CPEB3: variants seen among roughly 807,000 people sequenced by gnomAD.
CPEB3 encodes the protein cytoplasmic polyadenylation element-binding protein 3.
In CPEB3, 20 loss-of-function variants were observed where a neutral mutation model predicts 67.2. The ratio of observed to expected loss-of-function variants is 0.30; its 90% CI spans 0.21 to 0.43. The LOEUF is 0.43. Ranked by LOEUF, CPEB3 falls within the 20% of genes least tolerant of loss-of-function variation. CPEB3 has a pLI of 1.00. For synonymous variants in CPEB3, 376 were observed against 393.1 expected (o/e 0.96, Z 0.51); for missense variants, 746 against 968.6 (o/e 0.77, Z 3.05).
intron 6 of CPEB3, among the ~76,000 whole-genome samples, chr10:92,129,960 C>T (rs1845770778): frequency 6.6e-6 from 1 of 152,052 alleles, no homozygotes; most frequent in Non-Finnish European, 1.5e-5. Flanking sequence ...CTGCTTGAGC[C>T]CTGGAAGTCA....
intron 9 of CPEB3, among the ~76,000 whole-genome samples, chr10:92,058,525 G>T (rs1842199914): frequency 6.6e-6 from 1 of 151,084 alleles, no homozygotes; most frequent in South Asian, 2.1e-4. Flanking sequence ...CTCTGGCCTG[G>T]GCGACAGAAC....
At chr10:92,109,684 T>TA (rs1844640375) in intron 7 of CPEB3, among the ~76,000 whole-genome samples, 1 of 152,220 alleles carries the variant, frequency 6.6e-6, no homozygotes, top group African/African-American at 2.4e-5. Flanking sequence ...TTATACTGGC[T>TA]AAAATCCTTG....
intron 2 of CPEB3, among the ~76,000 whole-genome samples, chr10:92,213,927 T>A (rs928963209): frequency 6.6e-6 from 1 of 152,180 alleles, no homozygotes; most frequent in Admixed American, 6.6e-5. Context: ...TACAGAAATA[T>A]AAGCCATACT....
intron 1 of CPEB3, among the ~76,000 whole-genome samples, chr10:92,281,338 T>TG (rs1842287820): frequency 6.6e-6 from 1 of 151,238 alleles, no homozygotes; most frequent in Non-Finnish European, 1.5e-5. Flanking sequence ...CAACTGATTC[T>TG]CCCATCTTGC....
At chr10:92,278,928 TTA>T (rs1842129272) in intron 1 of CPEB3, among the ~76,000 whole-genome samples, 1 of 151,850 alleles carries the variant, frequency 6.6e-6, no homozygotes, top group African/African-American at 2.4e-5. Context: ...GGTGTTTTTA[TTA>T]TTTTTTTTTT....
At position 92,098,922 on chromosome 10, in the gene CPEB3, C is replaced by T. The variant is rs189259687; in HGVS notation, c.1573-6978G>A. On this transcript the variant is annotated intron_variant, in intron 7 of 9. Coordinates refer to ENST00000265997, the MANE Select transcript of CPEB3 (RefSeq NM_014912.5). ...GAGTAGCTGGGATTACAGGCGCCTG[C>T]CCCAATGCCCAGTTAATTTTTGTAT... Among the ~76,000 whole-genome samples the T allele has an allele frequency of 1.8e-3, 275 of 151,936 alleles. 1 individual carries two copies. The highest frequency in any genetic ancestry group is 6.4e-3 in the African/African-American group (267 of 41,456).
At position 92,239,487 on chromosome 10, in the gene CPEB3, G is replaced by T; in HGVS notation, c.864C>A (p.Pro288=). The change falls in exon 2 of 10, where the codon CCC becomes CCA. Residue 288 remains proline (P), a synonymous_variant. Transcript: ENST00000265997. The surrounding 1 kb of genome is among the most constrained non-coding windows in gnomAD (Gnocchi z 6.0). ...VGVGVPSPLN[P]ISPLKKPFSS... is the part of the protein sequence containing the mutation. The stretch of plus-strand genomic sequence containing the variant: ...AGAAGGGCTTTTTGAGCGGCGAGAT[G>T]GGGTTGAGCGGGGAAGGCACCCCGA... 6.3e-7 allele frequency: 1 copy of T among 1,587,208 alleles called. No individual in the cohort carries two copies.
intron 1 of CPEB3, among the ~76,000 whole-genome samples, chr10:92,266,659 T>TA (rs965670273): frequency 5.3e-5 from 8 of 150,536 alleles, no homozygotes; most frequent in South Asian, 4.2e-4. Flanking sequence ...AAACAAAAAT[T>TA]AAAAAAAAAT....
chr10:92,059,574 C>T (rs1196725548), intron 9 of CPEB3, among the ~76,000 whole-genome samples: 2 of 151,618 alleles, frequency 1.3e-5, no homozygotes, highest in Non-Finnish European at 2.9e-5. Context: ...CAACTAGAAA[C>T]ACAAGGGAGA....
intron 3 of CPEB3, among the ~76,000 whole-genome samples, chr10:92,184,647 C>T (rs1306607726): frequency 6.6e-6 from 1 of 152,134 alleles, no homozygotes; most frequent in African/African-American, 2.4e-5. Flanking sequence ...GAGAAGGCCA[C>T]ATCCATCAGA....
At chr10:92,142,818 T>C (rs1296478332) in intron 6 of CPEB3, among the ~76,000 whole-genome samples, 1 of 152,116 alleles carries the variant, frequency 6.6e-6, no homozygotes, top group East Asian at 1.9e-4. Flanking sequence ...TCACTGTCAA[T>C]AAAATCGGTG....
At chr10:92,258,591 A>G (rs1852625406) in intron 1 of CPEB3, among the ~76,000 whole-genome samples, 1 of 137,036 alleles carries the variant, frequency 7.3e-6, no homozygotes, top group African/African-American at 2.8e-5. Flanking sequence ...GCCTTCATCT[A>G]TGTTCAGTTT....
chr10:92,141,408 A>G (rs965430561), intron 6 of CPEB3, among the ~76,000 whole-genome samples: 3 of 150,112 alleles, frequency 2.0e-5, no homozygotes, highest in African/African-American at 7.4e-5. Flanking sequence ...GCATGTTCTC[A>G]CTCATAGGTG....
At chr10:92,186,606 C>T (rs368594115) in intron 3 of CPEB3, among the ~76,000 whole-genome samples, 1 of 151,786 alleles carries the variant, frequency 6.6e-6, no homozygotes, top group Non-Finnish European at 1.5e-5. Context: ...GGCTAATTTT[C>T]GTATTTTTAG....
At chr10:92,159,335 A>G (rs1847356209) in intron 4 of CPEB3, among the ~76,000 whole-genome samples, 1 of 152,036 alleles carries the variant, frequency 6.6e-6, no homozygotes, top group Non-Finnish European at 1.5e-5. Flanking sequence ...AAAGGAAGAT[A>G]ATTTGGAGTT....
Position 92,106,814 on chromosome 10 carries a change from C to CAAAAAAAAAAAAAAAAAAAAAA in CPEB3, c.1572+4240_1572+4261dup, listed in dbSNP as rs531195477. ...TAGGCAAAAGAGCAAGACTCTGTCT[C>CAAAAAAAAAAAAAAAAAAAAAA]AAAAAAAAAAAAAAAAAAAAAAAAA... On this transcript the variant is annotated intron_variant, in intron 7 of 9. Coordinates refer to ENST00000265997, the MANE Select transcript of CPEB3 (RefSeq NM_014912.5). Among the ~76,000 whole-genome samples, 24 of 55,986 alleles carry CAAAAAAAAAAAAAAAAAAAAAA rather than the reference C, an allele frequency of 4.3e-4. 1 individual carries two copies. The highest frequency in any genetic ancestry group is 1.5e-3 in the African/African-American group (17 of 11,560). 36.7% of individuals were successfully genotyped at this position (55,986 alleles called of 152,430 possible). A position where few individuals can be genotyped will look rare whatever the true frequency, so the allele number is the denominator to read the frequency against.
chr10:92,158,617 T>G (rs1470946582), intron 4 of CPEB3, among the ~76,000 whole-genome samples: 7 of 152,216 alleles, frequency 4.6e-5, no homozygotes, highest in African/African-American at 1.7e-4. Context: ...TTCTGCACAA[T>G]TTTCAGTAAA....
At chr10:92,123,150 G>A (rs1032122085) in intron 6 of CPEB3, among the ~76,000 whole-genome samples, 3 of 152,182 alleles carry the variant, frequency 2.0e-5, no homozygotes, top group Non-Finnish European at 4.4e-5. Flanking sequence ...TCTTAGCAAA[G>A]TCTTGCAGTC....
intron 6 of CPEB3, chr10:92,137,666 T>C: frequency 1.9e-6 from 1 of 540,464 alleles, no homozygotes; most frequent in Non-Finnish European, 3.3e-6. Context: ...ACCCTGATTG[T>C]CACCCTAGGC....
Sources: allele counts gnomAD v4.1 joint callset (sites outside exome capture counted in the v4.1 genomes callset), GRCh38; gene constraint gnomAD v4.1.1; non-coding constraint Gnocchi (gnomAD v3.1); transcripts MANE v1.5; gene names NCBI Gene and HGNC (gene_info 2026-07-23, HGNC 2026-07-21).